COPG1: variants seen among roughly 807,000 people sequenced by gnomAD.
The protein encoded by COPG1 is coatomer subunit gamma-1.
In COPG1, 29 loss-of-function variants were observed where a neutral mutation model predicts 102.8. The ratio of observed to expected loss-of-function variants is 0.28; its 90% confidence interval spans 0.21 to 0.38. The LOEUF (loss-of-function observed/expected upper bound fraction) is 0.38, where lower values mean the gene tolerates loss of function less well. Ranked by LOEUF, COPG1 falls within the 10% of genes least tolerant of loss-of-function variation. COPG1 has a pLI of 1.00. For missense variants in COPG1, 875 were observed against 1,132.7 expected (o/e 0.77, Z 3.27); for synonymous variants, 406 against 421.6 (o/e 0.96, Z 0.45).
At chr3:129,270,270 C>T (rs530041123) in intron 18 of COPG1, among the ~76,000 whole-genome samples, 5 of 151,990 alleles carry the variant, frequency 3.3e-5, no homozygotes, top group Non-Finnish European at 7.4e-5. Flanking sequence ...AAGGAAGTCT[C>T]CTAAGCCGCT....
At chr3:129,277,061 A>G (rs1560069408) in intron 23 of COPG1, among the ~76,000 whole-genome samples, 3 of 151,838 alleles carry the variant, frequency 2.0e-5, no homozygotes, top group South Asian at 2.1e-4. Flanking sequence ...TGACCTCATG[A>G]TCTGCCCACC....
rs558915920 is a variant in COPG1 at position 129,271,310 on chromosome 3, C to T, written c.1844-457C>T. Among the ~76,000 whole-genome samples, 34 of 152,288 alleles carry T rather than the reference C, an allele frequency of 2.2e-4. 1 individual carries two copies. Among genetic ancestry groups the T allele is most frequent in the African/African-American group, 8.2e-4 (34 of 41,560 alleles). On this transcript the variant is annotated intron_variant, in intron 18 of 23. Coordinates refer to ENST00000314797, the MANE Select transcript of COPG1 (RefSeq NM_016128.4). The surrounding 1 kb of genome is among the most constrained non-coding windows in gnomAD (Gnocchi z 4.7). ...CATTCTGAAATATCTCTTTATTGGC[C>T]ATTTGTCTTAACTGATAAATATATA... is the stretch of plus-strand genomic sequence containing the variant.
At chr3:129,267,182 C>A in intron 15 of COPG1, 83 bp downstream of exon 15, 3 of 1,028,114 alleles carry the variant, frequency 2.9e-6, no homozygotes, top group South Asian at 1.4e-5. Context: ...TTTTTTTTAA[C>A]TGAAAAGGGA....
chr3:129,276,220 A>G (rs1302349521), intron 23 of COPG1, among the ~76,000 whole-genome samples: 1 of 152,102 alleles, frequency 6.6e-6, no homozygotes, highest in Non-Finnish European at 1.5e-5. Flanking sequence ...TAGTTTTTGT[A>G]TTTTCAATGA....
chr3:129,269,442 G>A lies in COPG1; in HGVS notation c.1843+442G>A, dbSNP rs149141175. Among the ~76,000 whole-genome samples, 256 of 152,188 alleles carry A rather than the reference G, an allele frequency of 1.7e-3. 1 individual carries two copies. Among genetic ancestry groups the A allele is most frequent in the African/African-American group, 6.0e-3 (249 of 41,530 alleles). On this transcript the variant is annotated intron_variant, in intron 18 of 23. Coordinates refer to ENST00000314797, the MANE Select transcript of COPG1 (RefSeq NM_016128.4). Reference sequence around the variant, plus strand: ...TGGTGTTGCATTTTTAAGGGGAGAGGCTGTGTGTCTAATTGCAGATTGTTT... The same window carrying A: ...TGGTGTTGCATTTTTAAGGGGAGAGACTGTGTGTCTAATTGCAGATTGTTT...
chr3:129,262,425 TG>T (rs911753537), intron 12 of COPG1, among the ~76,000 whole-genome samples: 9 of 152,028 alleles, frequency 5.9e-5, no homozygotes, highest in African/African-American at 2.2e-4. Flanking sequence ...GCTAATTTTT[TG>T]TATTTTTTAG....
Position 129,249,747 on chromosome 3 carries a change from G to GT in COPG1, c.37+2dup. 1.3e-6 allele frequency: 2 copies of GT among 1,551,500 alleles called. No homozygotes were observed. The highest frequency in any genetic ancestry group is 1.7e-6 in the Non-Finnish European group (2 of 1,146,928). ...TTCGACAAGAAGGATGAGGAGTCAG[G>GT]TGAGGGGGCCAGGCCTGGGTCTGAG... On this transcript the variant is annotated splice_donor_variant, in intron 1 of 23. Coordinates refer to ENST00000314797, the MANE Select transcript of COPG1 (RefSeq NM_016128.4). LOFTEE classifies it high-confidence loss of function.
chr3:129,266,060 C>T (rs1373869144), intron 14 of COPG1, among the ~76,000 whole-genome samples: 3 of 152,102 alleles, frequency 2.0e-5, no homozygotes, highest in Non-Finnish European at 4.4e-5. Flanking sequence ...CAACCTCCGC[C>T]TCCCGGGTTC....
At position 129,274,831 on chromosome 3, in the gene COPG1, T is replaced by A; in HGVS notation, c.2257-7T>A. ...TGGGTGCCTGATTTCTACCTCCATC[T>A]CTCCAGCTGGAAGATCTGGAAGTTA... On this transcript the variant is annotated splice_region_variant and splice_polypyrimidine_tract_variant and intron_variant, in intron 21 of 23. Transcript: ENST00000314797. 1 of 1,607,044 alleles carries A rather than the reference T, an allele frequency of 6.2e-7. No homozygotes were observed. The highest frequency in any genetic ancestry group is 8.5e-7 in the Non-Finnish European group (1 of 1,175,948).
At chr3:129,251,934 C>T (rs1939708136) in intron 2 of COPG1, among the ~76,000 whole-genome samples, 1 of 152,238 alleles carries the variant, frequency 6.6e-6, no homozygotes, top group African/African-American at 2.4e-5. Flanking sequence ...ATCCACCCGC[C>T]TCGGCCTCCC....
At position 129,257,772 on chromosome 3, in the gene COPG1, C is replaced by G; in HGVS notation, c.783C>G (p.Asn261Lys). ...LFDFIESCLR[N>K]KHEMVVYEAA... is the part of the protein sequence containing the mutation. ...ACTTCATCGAGAGCTGCTTGCGCAA[C>G]AAGCACGAGATGGTGGTGTATGAAG... The change falls in exon 10 of 24, where the codon AAC (asparagine) becomes AAG (lysine). Residue 261 changes from asparagine (N) to lysine (K), a missense_variant. Physicochemically the swap from Asn to Lys is moderately conservative, Grantham distance 94 (BLOSUM62 0). Transcript: ENST00000314797. 1 of 1,614,202 alleles carries G rather than the reference C, an allele frequency of 6.2e-7. No individual in the cohort carries two copies. Among genetic ancestry groups the G allele is most frequent in the Non-Finnish European group, 8.5e-7 (1 of 1,180,024 alleles).
intron 12 of COPG1, among the ~76,000 whole-genome samples, chr3:129,262,353 C>T (rs1403100767): frequency 2.0e-5 from 3 of 151,588 alleles, no homozygotes; most frequent in Non-Finnish European, 4.4e-5. Context: ...CCTGGGTTCA[C>T]GCCATTCTTC....
chr3:129,252,667 C>A lies in COPG1; in HGVS notation c.216C>A (p.Ala72=), dbSNP rs369603395. The A allele has an allele frequency of 1.2e-6, 2 of 1,614,158 alleles. No homozygotes were observed. The highest frequency in any genetic ancestry group is 1.7e-6 in the Non-Finnish European group (2 of 1,180,010). Residue 72 remains alanine, a synonymous_variant, in exon 4 of 24, where the codon GCC becomes GCA. Coordinates refer to ENST00000314797, the MANE Select transcript of COPG1 (RefSeq NM_016128.4). ...CGGAAGCGACCGAGGCCTTCTTTGC[C>A]ATGACCAAGCTCTTTCAGTCCAATG... ...GTTEATEAFF[A]MTKLFQSNDP...
In COPG1 at chr3:129,267,111, C is replaced by T. The variant is rs769998347; in HGVS notation, c.1544+12C>T. On this transcript the variant is annotated intron_variant, in intron 15 of 23. Coordinates refer to ENST00000314797, the MANE Select transcript of COPG1 (RefSeq NM_016128.4). ...GTGTTGCTGAAGAGGTGAGTCTAGG[C>T]CCAGGGGCCCTAATGGGGACAGTGT... 13 of 1,608,940 alleles carry T rather than the reference C, an allele frequency of 8.1e-6. 1 individual carries two copies. Among genetic ancestry groups the T allele is most frequent in the South Asian group, 1.1e-5 (1 of 90,876 alleles).
chr3:129,250,617 C>T, intron 1 of COPG1, 65 bp from the exon 2 acceptor site: 1 of 1,300,406 alleles, frequency 7.7e-7, no homozygotes, highest in East Asian at 2.3e-5. Flanking sequence ...TTCCCTTTAC[C>T]TATGTCTGGG....
Position 129,260,772 on chromosome 3 carries a change from T to G in COPG1, c.1093T>G (p.Ser365Ala). The G allele has an allele frequency of 6.2e-7, 1 of 1,612,502 alleles. No homozygotes were observed. The highest frequency in any genetic ancestry group is 8.5e-7 in the Non-Finnish European group (1 of 1,179,974). ...CATCGACCGCCTCATGAAGCAGATC[T>G]CCTCCTTCATGTCAGAAATCTCGGA... ...SSIDRLMKQISSFMSEISDEF... is the reference protein window; with the variant it reads ...SSIDRLMKQIASFMSEISDEF... The change falls in exon 12 of 24, where the codon TCC (serine) becomes GCC (alanine). Residue 365 changes from serine (S) to alanine (A), a missense_variant. Transcript: ENST00000314797.
chr3:129,254,615 G>A lies in COPG1; in HGVS notation c.324-53G>A, dbSNP rs951075282. The A allele has an allele frequency of 3.6e-6, 5 of 1,389,420 alleles. No individual in the cohort carries two copies. The African/African-American group carries it at 7.1e-5, about 20-fold the overall frequency. The allele number at this position is 1,389,420 out of a possible 1,614,324, so 86.1% of individuals were successfully genotyped here. On this transcript the variant is annotated intron_variant, in intron 5 of 23. Coordinates refer to ENST00000314797, the MANE Select transcript of COPG1 (RefSeq NM_016128.4). ...CAAGGGTGGTGTTGGGAGCTGGAGA[G>A]GAGTAAACAGGCCCAGGCTCTCTGC...
intron 19 of COPG1, 141 bp downstream of exon 19, chr3:129,272,050 C>A: frequency 9.2e-7 from 1 of 1,085,990 alleles, no homozygotes; most frequent in Non-Finnish European, 1.3e-6. Context: ...CCCAACAGGT[C>A]GGTCTCTCAT....
chr3:129,276,366 A>G (rs867318940), intron 23 of COPG1, among the ~76,000 whole-genome samples: 1 of 152,228 alleles, frequency 6.6e-6, no homozygotes, highest in South Asian at 2.1e-4. Flanking sequence ...ATTTACTAGC[A>G]AACTCCAGAA....
Sources: allele counts gnomAD v4.1 joint callset (sites outside exome capture counted in the v4.1 genomes callset), GRCh38; gene constraint gnomAD v4.1.1; non-coding constraint Gnocchi (gnomAD v3.1); transcripts MANE v1.5; gene names NCBI Gene and HGNC (gene_info 2026-07-23, HGNC 2026-07-21).